RASAL2: variants seen among roughly 807,000 people sequenced by gnomAD.
RASAL2 encodes ras GTPase-activating protein nGAP.
RASAL2 carries 58 observed loss-of-function variants against 128.9 expected under a neutral mutation model. That is an observed-to-expected ratio of 0.45 (90% CI 0.36 to 0.56). RASAL2 has a LOEUF of 0.56. Among genes scored for constraint, RASAL2 ranks in the 20% least tolerant of loss-of-function variants. The pLI is 0.00. For synonymous variants in RASAL2, 561 were observed against 580.8 expected (o/e 0.97, Z 0.49); for missense variants, 1,360 against 1,601.6 (o/e 0.85, Z 2.57).
chr1:178,147,324 A>G (rs1395962914), intron 1 of RASAL2, among the ~76,000 whole-genome samples: 1 of 151,854 alleles, frequency 6.6e-6, no homozygotes, highest in East Asian at 1.9e-4. Flanking sequence ...CCCTCCCTCT[A>G]CTAAAAATAC....
rs976718949 is a variant in RASAL2, at chr1:178,094,652, C to T, written c.160C>T (p.Leu54=). Residue 54 remains leucine (L), a synonymous_variant, in exon 1 of 18, where the codon CTG becomes TTG. Coordinates refer to ENST00000367649, the MANE Select transcript of RASAL2 (RefSeq NM_170692.4). ...VAGGMLDRIL[L]ESVCQQQSWV... is the part of the protein sequence containing the mutation. ...CGGTGGCATGTTGGATCGGATCCTTCTGGAGTCCGTGTGCCAGCAACAGAG... is the reference window on the plus strand; with the variant it reads ...CGGTGGCATGTTGGATCGGATCCTTTTGGAGTCCGTGTGCCAGCAACAGAG... 2 of 1,613,970 alleles carry T rather than the reference C, an allele frequency of 1.2e-6. No homozygotes were observed. Among genetic ancestry groups the T allele is most frequent in the African/African-American group, 2.7e-5 (2 of 74,952 alleles).
In RASAL2 at chr1:178,467,353, G is replaced by A. The variant is rs144401857; in HGVS notation, c.3610G>A (p.Glu1204Lys). ...TTCTAGGCTAATGGCTGTGGAAGAGGAACTGAAGAAGGATCATGCTGAGAT... is the reference window on the plus strand; with the variant it reads ...TTCTAGGCTAATGGCTGTGGAAGAGAAACTGAAGAAGGATCATGCTGAGAT... ...IISRLMAVEE[E>K]LKKDHAEMQA... Residue 1204 changes from glutamate (E) to lysine (K), a missense_variant, in exon 17 of 18, where the codon GAA (glutamate) becomes AAA (lysine). By Grantham distance (56) the Glu-to-Lys change is moderately conservative (BLOSUM62 1). Transcript: ENST00000367649. 636 of 1,614,042 alleles carry A rather than the reference G, an allele frequency of 3.9e-4. No homozygotes were observed. The highest frequency in any genetic ancestry group is 6.7e-4 in the Admixed American group (40 of 60,024).
rs78685946 is a variant in RASAL2 at position 178,303,639 on chromosome 1, G to T, written c.457+3521G>T. On this transcript the variant is annotated intron_variant, in intron 3 of 17. Transcript: ENST00000367649. Reference sequence around the variant, plus strand: ...TGTAATGGAAATAATTGATACATTGGACTATATTAAGATTAAGAATTCTGT... The same window carrying T: ...TGTAATGGAAATAATTGATACATTGTACTATATTAAGATTAAGAATTCTGT... Among the ~76,000 whole-genome samples the T allele has an allele frequency of 6.6e-5, 10 of 152,050 alleles. No individual in the cohort carries two copies. In the East Asian group the frequency reaches 1.7e-3, roughly 26 times the overall value.
chr1:178,166,079 C>G (rs925312707), intron 1 of RASAL2, among the ~76,000 whole-genome samples: 1 of 152,044 alleles, frequency 6.6e-6, no homozygotes, highest in Non-Finnish European at 1.5e-5. Flanking sequence ...CTCATCTCAC[C>G]AAAGCCAAAT....
chr1:178,473,880 A>G lies in RASAL2; in HGVS notation c.*641A>G, dbSNP rs1174216135. 6.5e-6 allele frequency: 1 copy of G among 152,680 alleles called. No homozygotes were observed. Among genetic ancestry groups the G allele is most frequent in the African/African-American group, 2.4e-5 (1 of 41,472 alleles). 9.5% of individuals were successfully genotyped at this position (152,680 alleles called of 1,614,324 possible). On this transcript the variant is annotated 3_prime_UTR_variant, in exon 18 of 18. Coordinates refer to ENST00000367649, the MANE Select transcript of RASAL2 (RefSeq NM_170692.4). Reference sequence around the variant, plus strand: ...GGGGATTCACTGTTTCAGAGGACACAGACAAAAGCTGTTGCATCAAAACTG... The same window carrying G: ...GGGGATTCACTGTTTCAGAGGACACGGACAAAAGCTGTTGCATCAAAACTG...
At chr1:178,227,489 A>G (rs1663836274) in intron 1 of RASAL2, among the ~76,000 whole-genome samples, 1 of 152,124 alleles carries the variant, frequency 6.6e-6, no homozygotes, top group Non-Finnish European at 1.5e-5. Context: ...CCCTTACTAC[A>G]CACTTCCCTA....
chr1:178,329,857 A>T (rs532074591), intron 3 of RASAL2, among the ~76,000 whole-genome samples: 3 of 152,004 alleles, frequency 2.0e-5, no homozygotes, highest in Admixed American at 6.6e-5. Context: ...TAAAAAAAAA[A>T]GGACAAGAGA....
chr1:178,442,009 G>T (rs1676690514), intron 7 of RASAL2, among the ~76,000 whole-genome samples: 1 of 152,044 alleles, frequency 6.6e-6, no homozygotes, highest in African/African-American at 2.4e-5. Flanking sequence ...GAGAGAGTGT[G>T]TGTGTGAGTG....
chr1:178,288,642 CTTTT>C (rs60150701), intron 2 of RASAL2, among the ~76,000 whole-genome samples: 64 of 97,296 alleles, frequency 6.6e-4, no homozygotes, highest in African/African-American at 1.7e-3. Context: ...CTTTCTCTCT[CTTTT>C]TTTTTTTTTT....
At chr1:178,250,582 C>T (rs1665002147) in intron 1 of RASAL2, among the ~76,000 whole-genome samples, 1 of 152,136 alleles carries the variant, frequency 6.6e-6, no homozygotes, top group Non-Finnish European at 1.5e-5. Flanking sequence ...GGAGAGTAAA[C>T]AGTGCTGTCT....
intron 5 of RASAL2, among the ~76,000 whole-genome samples, chr1:178,432,941 T>G (rs541569734): frequency 6.6e-6 from 1 of 152,076 alleles, no homozygotes; most frequent in Admixed American, 6.6e-5. Flanking sequence ...GACACACATC[T>G]TACCATGTAA....
At position 178,448,683 on chromosome 1, in the gene RASAL2, G is replaced by A. The variant is rs922717772; in HGVS notation, c.1628-2888G>A. 4.0e-5 allele frequency among the ~76,000 whole-genome samples: 6 copies of A among 150,802 alleles called. No individual in the cohort carries two copies. In the South Asian group the frequency reaches 8.3e-4, roughly 21 times the overall value. On this transcript the variant is annotated intron_variant, in intron 9 of 17. Coordinates refer to ENST00000367649, the MANE Select transcript of RASAL2 (RefSeq NM_170692.4). ...CCAAAAAAAAAAAGCATCTCAAACC[G>A]TATTCTCCATTCTATGGAGATAGGA...
intron 1 of RASAL2, among the ~76,000 whole-genome samples, chr1:178,204,814 A>G (rs1662985933): frequency 6.6e-6 from 1 of 152,210 alleles, no homozygotes; most frequent in Non-Finnish European, 1.5e-5. Flanking sequence ...CTTAATTTCA[A>G]TTGTGATTTA....
intron 9 of RASAL2, among the ~76,000 whole-genome samples, chr1:178,450,133 T>C (rs1200522418): frequency 2.0e-5 from 3 of 152,174 alleles, no homozygotes; most frequent in South Asian, 4.1e-4. Flanking sequence ...TTACTAGTTT[T>C]GGCCATTTCA....
At chr1:178,451,544 A>G in intron 9 of RASAL2, 27 bp from the exon 10 acceptor site, 1 of 1,608,986 alleles carries the variant, frequency 6.2e-7, no homozygotes, top group Non-Finnish European at 8.5e-7. Flanking sequence ...GTTTATAGCT[A>G]TACCGTTATC....
chr1:178,432,828 T>C (rs1299937137), intron 5 of RASAL2, among the ~76,000 whole-genome samples: 2 of 152,172 alleles, frequency 1.3e-5, no homozygotes, highest in East Asian at 1.9e-4. Context: ...CTCAGATTAC[T>C]ACCATAATCA....
At position 178,465,924 on chromosome 1, in the gene RASAL2, A is replaced by G; in HGVS notation, c.3392A>G (p.Glu1131Gly). 6.5e-7 allele frequency: 1 copy of G among 1,549,900 alleles called. No individual in the cohort carries two copies. The highest frequency in any genetic ancestry group is 8.7e-7 in the Non-Finnish European group (1 of 1,146,710). ...TCCTTGCCTCCTCTGCCCTAGTATGAACAAGAAATTACTAAACTGAAGGAG... is the reference window on the plus strand; with the variant it reads ...TCCTTGCCTCCTCTGCCCTAGTATGGACAAGAAATTACTAAACTGAAGGAG... ...LDEAKHAEKY[E>G]QEITKLKERL... The change falls in exon 16 of 18, where the codon GAA (glutamate) becomes GGA (glycine). Residue 1131 changes from glutamate (E) to glycine (G), a missense_variant. This residue lies in a region of RASAL2 where 741 missense variants were observed against 868.6 expected (regional missense o/e 0.85). Coordinates refer to ENST00000367649, the MANE Select transcript of RASAL2 (RefSeq NM_170692.4).
At chr1:178,196,070 A>G (rs939328530) in intron 1 of RASAL2, among the ~76,000 whole-genome samples, 3 of 152,172 alleles carry the variant, frequency 2.0e-5, no homozygotes, top group Non-Finnish European at 4.4e-5. Flanking sequence ...GAAAATATAA[A>G]TGAAAGAAGA....
intron 3 of RASAL2, among the ~76,000 whole-genome samples, chr1:178,368,965 G>T (rs1671556408): frequency 6.6e-6 from 1 of 152,002 alleles, no homozygotes; most frequent in Non-Finnish European, 1.5e-5. Flanking sequence ...GTATTTTGAT[G>T]CTCTTGACTC....
Sources: allele counts gnomAD v4.1 joint callset (sites outside exome capture counted in the v4.1 genomes callset), GRCh38; gene constraint gnomAD v4.1.1; regional missense constraint gnomAD v4.1.1; transcripts MANE v1.5; gene names NCBI Gene and HGNC (gene_info 2026-07-23, HGNC 2026-07-21).